The following MIER2 variants were observed in gnomAD, a reference collection of about 807,000 sequenced individuals.
The protein encoded by MIER2 is mesoderm induction early response protein 2.
Under a neutral mutation model 67.6 loss-of-function variants are expected in MIER2, and 30 were observed. The observed-to-expected ratio is 0.44, with a 90% CI of 0.33 to 0.60. The LOEUF (loss-of-function observed/expected upper bound fraction) is 0.60. MIER2 is among the 20% of genes least tolerant of loss of function. The pLI is 0.02. For synonymous variants in MIER2, 372 were observed against 312.6 expected (o/e 1.19, Z -2.00); for missense variants, 702 against 745.1 (o/e 0.94, Z 0.67).
In MIER2 at chr19:327,210, G is replaced by T; in HGVS notation, c.416C>A (p.Thr139Lys). The T allele has an allele frequency of 6.3e-7, 1 of 1,588,228 alleles. No individual in the cohort carries two copies. Residue 139 changes from threonine (T) to lysine (K), a missense_variant, in exon 5 of 14, where the codon ACG becomes AAG. Around this residue, in one of 3 missense-constraint regions of MIER2, gnomAD observed 320 missense variants for 292.6 expected, o/e 1.09. Coordinates refer to ENST00000264819, the MANE Select transcript of MIER2 (RefSeq NM_017550.3). Reference sequence around the variant, plus strand: ...GGTGAGGTCGTCAGCAGATGATTGCGTCTCTTCCTCTTCTTCCCCTGAAAG... The same window carrying T: ...GGTGAGGTCGTCAGCAGATGATTGCTTCTCTTCCTCTTCTTCCCCTGAAAG... ...DLLSGEEEEE[T>K]QSSADDLTPS... is the part of the protein sequence containing the mutation.
At chr19:315,381 A>G (rs1288765263) in intron 7 of MIER2, among the ~76,000 whole-genome samples, 2 of 152,226 alleles carry the variant, frequency 1.3e-5, no homozygotes, top group Admixed American at 6.5e-5. Flanking sequence ...AACAAACAAA[A>G]CAAGAACACA....
chr19:339,900 G>C (rs1600178937), intron 1 of MIER2, among the ~76,000 whole-genome samples: 1 of 152,254 alleles, frequency 6.6e-6, no homozygotes, highest in East Asian at 1.9e-4. Context: ...CTGTGATGGT[G>C]GCTGCACAAC....
At chr19:309,850 G>A (rs1175012564) in intron 10 of MIER2, among the ~76,000 whole-genome samples, 4 of 75,468 alleles carry the variant, frequency 5.3e-5, no homozygotes, top group African/African-American at 1.9e-4. Context: ...ACGCACACAA[G>A]GCTTCAGGGA....
At chr19:323,840 AGAC>A (rs1014038087) in intron 7 of MIER2, among the ~76,000 whole-genome samples, 1 of 152,110 alleles carries the variant, frequency 6.6e-6, no homozygotes, top group Non-Finnish European at 1.5e-5. Flanking sequence ...AAAACCACAC[AGAC>A]AACTCGAATG....
At chr19:322,636 C>A (rs945618671) in intron 7 of MIER2, among the ~76,000 whole-genome samples, 1 of 152,104 alleles carries the variant, frequency 6.6e-6, no homozygotes, top group African/African-American at 2.4e-5. Context: ...GAGTCCATAT[C>A]CACCAGACGG....
chr19:341,503 T>C (rs1028284213), intron 1 of MIER2, among the ~76,000 whole-genome samples: 3 of 152,162 alleles, frequency 2.0e-5, no homozygotes, highest in African/African-American at 4.8e-5. Flanking sequence ...ATCCCCAAGT[T>C]CATTTCCAGG....
At chr19:332,128 G>C (rs1347741638) in intron 3 of MIER2, among the ~76,000 whole-genome samples, 1 of 151,726 alleles carries the variant, frequency 6.6e-6, no homozygotes, top group African/African-American at 2.4e-5. Context: ...ACATGTCACT[G>C]ATTTATTCAG....
In MIER2 at chr19:308,315, T is replaced by C. The variant is rs780109081; in HGVS notation, c.1198+262A>G. ...CCTGGTAAATACCCCAACCTCACCA[T>C]ACGGGGCTCCCCAGCAGTGGGGCCA... is the stretch of plus-strand genomic sequence containing the variant. On this transcript the variant is annotated intron_variant, in intron 12 of 13. Transcript: ENST00000264819. The surrounding 1 kb of genome is among the most constrained non-coding windows in gnomAD (Gnocchi z 9.1). Among the ~76,000 whole-genome samples the C allele has an allele frequency of 1.3e-5, 2 of 152,098 alleles. No homozygotes were observed. Among genetic ancestry groups the C allele is most frequent in the Non-Finnish European group, 2.9e-5 (2 of 67,990 alleles).
At chr19:335,536 C>T (rs1004232757) in intron 2 of MIER2, among the ~76,000 whole-genome samples, 6 of 152,204 alleles carry the variant, frequency 3.9e-5, no homozygotes, top group East Asian at 1.9e-4. Context: ...CGGAAAGAGA[C>T]GCAGCCCTAC....
rs1233380552 is a variant in MIER2 at position 307,317 on chromosome 19, T to C, written c.1418A>G (p.Asp473Gly). The C allele has an allele frequency of 6.2e-7, 1 of 1,601,370 alleles. No individual in the cohort carries two copies. The highest frequency in any genetic ancestry group is 8.5e-7 in the Non-Finnish European group (1 of 1,174,752). ...EPDASPRLAV[D>G]FALPKELPLI... is the part of the protein sequence containing the mutation. Reference sequence around the variant, plus strand: ...GGGCAGCTCCTTGGGCAGGGCGAAGTCCACGGCCAGCCTTGGGCTGGCGTC... The same window carrying C: ...GGGCAGCTCCTTGGGCAGGGCGAAGCCCACGGCCAGCCTTGGGCTGGCGTC... The change falls in exon 13 of 14, where the codon GAC becomes GGC. Residue 473 changes from aspartate (D) to glycine (G), a missense_variant. Coordinates refer to ENST00000264819, the MANE Select transcript of MIER2 (RefSeq NM_017550.3).
At chr19:325,846 GC>G in intron 6 of MIER2, 142 bp from the exon 7 acceptor site, 1 of 866,960 alleles carries the variant, frequency 1.2e-6, no homozygotes, top group Non-Finnish European at 1.8e-6. Flanking sequence ...ACCTGCTGAT[GC>G]CCAGTTCTGG....
intron 12 of MIER2, among the ~76,000 whole-genome samples, chr19:307,873 A>G (rs1436842010): frequency 1.3e-5 from 2 of 152,172 alleles, no homozygotes; most frequent in Non-Finnish European, 2.9e-5. Context: ...GGTGTAAACA[A>G]TGCCGGGGGC....
chr19:323,639 C>T (rs1339689087), intron 7 of MIER2, among the ~76,000 whole-genome samples: 1 of 149,784 alleles, frequency 6.7e-6, no homozygotes, highest in Non-Finnish European at 1.5e-5. Context: ...CCAAGGACCA[C>T]AATGGAACAC....
chr19:342,893 G>A (rs188881839), intron 1 of MIER2, among the ~76,000 whole-genome samples: 1 of 151,924 alleles, frequency 6.6e-6, no homozygotes, highest in East Asian at 1.9e-4. Context: ...TGAGTCACTG[G>A]GCAACCTGCC....
At chr19:344,458 G>C (rs1568242674) in intron 1 of MIER2, 3 of 855,842 alleles carry the variant, frequency 3.5e-6, no homozygotes, top group Non-Finnish European at 4.2e-6. Context: ...CGCGCCCACC[G>C]GACCCCCGAC....
chr19:315,938 C>T (rs1971218501), intron 7 of MIER2, among the ~76,000 whole-genome samples: 1 of 152,212 alleles, frequency 6.6e-6, no homozygotes, highest in Middle Eastern at 3.2e-3. Context: ...AAGGAAACAA[C>T]TCTTAGGAGA....
chr19:314,558 C>A (rs1361252431), intron 7 of MIER2, among the ~76,000 whole-genome samples: 1 of 152,102 alleles, frequency 6.6e-6, no homozygotes, highest in African/African-American at 2.4e-5. Flanking sequence ...TCTCCACTGC[C>A]GGGGGCTGAC....
At chr19:310,465 C>T (rs1278833946) in intron 10 of MIER2, among the ~76,000 whole-genome samples, 2 of 147,754 alleles carry the variant, frequency 1.4e-5, no homozygotes, top group African/African-American at 5.1e-5. Context: ...CGCGGCTGGG[C>T]CAGGACCTGC....
intron 7 of MIER2, among the ~76,000 whole-genome samples, chr19:321,576 G>A (rs976890873): frequency 3.3e-5 from 5 of 152,016 alleles, no homozygotes; most frequent in African/African-American, 4.8e-5. Context: ...TCCAGGAGGC[G>A]GAGGTTGTGG....
Sources: gnomAD v4.1 joint callset for allele counts (sites outside exome capture counted in the v4.1 genomes callset) on GRCh38, gnomAD v4.1.1 for gene constraint, gnomAD v4.1.1 regional missense constraint, Gnocchi (gnomAD v3.1) non-coding constraint, MANE v1.5 for transcripts, NCBI Gene and HGNC (gene_info 2026-07-23, HGNC 2026-07-21) for gene names.